The following ATG4B variants were observed in gnomAD, a reference collection of about 807,000 sequenced individuals.
The protein encoded by ATG4B is cysteine protease ATG4B.
In ATG4B, 29 loss-of-function variants were observed where a neutral mutation model predicts 56.6. That is an observed-to-expected ratio of 0.51 (90% CI 0.38 to 0.70). The LOEUF is 0.70. Ranked by LOEUF, ATG4B falls within the 30% of genes least tolerant of loss-of-function variation. The pLI, the probability that ATG4B is intolerant of heterozygous loss-of-function variation, is 0.00. For synonymous variants in ATG4B, 224 were observed against 206.1 expected (o/e 1.09, Z -0.74); for missense variants, 461 against 515.5 (o/e 0.89, Z 1.02).
chr2:241,668,477 CTCCTCTGTCCCTT>C lies in ATG4B; in HGVS notation c.812-55_812-43del, dbSNP rs769519635. 85 of 1,566,410 alleles carry C rather than the reference CTCCTCTGTCCCTT, an allele frequency of 5.4e-5. No homozygotes were observed. Among genetic ancestry groups the C allele is most frequent in the Non-Finnish European group, 7.8e-6 (9 of 1,161,134 alleles). On this transcript the variant is annotated intron_variant, in intron 9 of 12. Transcript: ENST00000404914. The surrounding 1 kb of genome is among the most constrained non-coding windows in gnomAD (Gnocchi z 4.2). ...GGGTGCAGTGGGTCTGAAATGCGGC[CTCCTCTGTCCCTT>C]TCCTCTGCCGGCTCGGCCACCCACC...
intron 1 of ATG4B, 75 bp from the exon 2 acceptor site, chr2:241,650,935 C>A: frequency 8.1e-7 from 1 of 1,227,058 alleles, no homozygotes; most frequent in Non-Finnish European, 1.2e-6. Flanking sequence ...CACAGAAATG[C>A]TGTAAATGGC....
intron 7 of ATG4B, among the ~76,000 whole-genome samples, chr2:241,663,586 T>C (rs923636276): frequency 6.6e-6 from 1 of 152,116 alleles, no homozygotes; most frequent in African/African-American, 2.4e-5. Flanking sequence ...TGAAAATTAA[T>C]GAAATAAGCA....
At chr2:241,658,022 C>T (rs2068462844) in intron 6 of ATG4B, among the ~76,000 whole-genome samples, 1 of 152,184 alleles carries the variant, frequency 6.6e-6, no homozygotes, top group South Asian at 2.1e-4. Context: ...TACCCTTTGG[C>T]ACCAAGGTCT....
intron 3 of ATG4B, among the ~76,000 whole-genome samples, chr2:241,652,771 C>T (rs938781756): frequency 2.0e-5 from 3 of 152,208 alleles, no homozygotes; most frequent in Non-Finnish European, 4.4e-5. Flanking sequence ...CCCCAAGACA[C>T]AGGGTTTATT....
At chr2:241,654,369 C>A (rs572788961) in intron 4 of ATG4B, among the ~76,000 whole-genome samples, 177 bp from the exon 5 acceptor site, 3 of 147,492 alleles carry the variant, frequency 2.0e-5, no homozygotes, top group Non-Finnish European at 3.0e-5. Flanking sequence ...TGCAGTGAGC[C>A]GAGATCACGC....
chr2:241,639,076 G>T (rs572068070), intron 1 of ATG4B, among the ~76,000 whole-genome samples: 2 of 152,296 alleles, frequency 1.3e-5, no homozygotes, highest in African/African-American at 2.4e-5. Context: ...CTATGGCACG[G>T]ATACCATGGC....
In ATG4B at chr2:241,652,691, G is replaced by T. The variant is rs187516864; in HGVS notation, c.185-821G>T. ...GATACGTTTTTATCAGCAGTAGAGC[G>T]ATCAGCAGTGGAGCGAGGGTGACCA... On this transcript the variant is annotated intron_variant, in intron 3 of 12. Transcript: ENST00000404914. 1.1e-3 allele frequency among the ~76,000 whole-genome samples: 167 copies of T among 152,250 alleles called. 1 individual carries two copies. The highest frequency in any genetic ancestry group is 3.8e-3 in the African/African-American group (156 of 41,534).
At chr2:241,653,057 C>T (rs979246253) in intron 3 of ATG4B, among the ~76,000 whole-genome samples, 5 of 152,362 alleles carry the variant, frequency 3.3e-5, no homozygotes, top group African/African-American at 9.6e-5. Context: ...AGGGAGTGGC[C>T]GTGAGGGCAG....
intron 3 of ATG4B, among the ~76,000 whole-genome samples, chr2:241,653,087 G>A (rs1409358473): frequency 6.6e-6 from 1 of 152,278 alleles, no homozygotes; most frequent in Non-Finnish European, 1.5e-5. Context: ...ACCTGTGCTG[G>A]AAGGGCTGAG....
intron 12 of ATG4B, 159 bp from the exon 13 acceptor site, chr2:241,672,032 G>A: frequency 7.0e-7 from 1 of 1,429,898 alleles, no homozygotes; most frequent in Non-Finnish European, 9.1e-7. Context: ...CATATTCGCA[G>A]GTCTGCACAA....
chr2:241,669,191 T>A (rs2068879619), intron 10 of ATG4B, among the ~76,000 whole-genome samples: 1 of 152,168 alleles, frequency 6.6e-6, no homozygotes, highest in African/African-American at 2.4e-5. Flanking sequence ...CCATTTTGAT[T>A]ACCTAGTTGT....
At chr2:241,664,472 A>G (rs2068699065) in intron 7 of ATG4B, among the ~76,000 whole-genome samples, 1 of 152,202 alleles carries the variant, frequency 6.6e-6, no homozygotes, top group Non-Finnish European at 1.5e-5. Flanking sequence ...TGGGAGGTTG[A>G]GGCTGCAGTG....
chr2:241,670,003 G>A (rs2068910399), intron 10 of ATG4B, among the ~76,000 whole-genome samples: 1 of 152,170 alleles, frequency 6.6e-6, no homozygotes, highest in African/African-American at 2.4e-5. Flanking sequence ...GCCACCTGGT[G>A]GGATAACTGT....
intron 8 of ATG4B, 74 bp downstream of exon 8, chr2:241,666,912 C>T (rs915676479): frequency 4.7e-6 from 7 of 1,475,934 alleles, no homozygotes; most frequent in African/African-American, 2.8e-5. Flanking sequence ...TTCAGCGCAT[C>T]GTCGTCACGT....
In ATG4B at chr2:241,665,874, TCTGTCACCTGTCAGTCA is replaced by T. The variant is rs1200739491; in HGVS notation, c.539-757_539-741del. On this transcript the variant is annotated intron_variant, in intron 7 of 12. Transcript: ENST00000404914. ...TGTGCAGTGTGCTACCTGTCACCTG[TCTGTCACCTGTCAGTCA>T]CTGTCACCTGTCACTGTCACTGTCA... is the stretch of plus-strand genomic sequence containing the variant. Among the ~76,000 whole-genome samples the T allele has an allele frequency of 6.6e-5, 10 of 152,286 alleles. No individual in the cohort carries two copies. The South Asian group carries it at 1.0e-3, about 16-fold the overall frequency.
chr2:241,642,778 G>A (rs1575055325), intron 1 of ATG4B, among the ~76,000 whole-genome samples: 1 of 149,524 alleles, frequency 6.7e-6, no homozygotes, highest in African/African-American at 2.5e-5. Flanking sequence ...AGGGAAGAGG[G>A]CGTGGAAAAT....
chr2:241,662,993 C>T (rs993348687), intron 7 of ATG4B, among the ~76,000 whole-genome samples: 3 of 152,034 alleles, frequency 2.0e-5, no homozygotes, highest in Non-Finnish European at 2.9e-5. Flanking sequence ...CCCAGCACTT[C>T]GGGAGGCCAA....
intron 3 of ATG4B, chr2:241,652,001 C>T (rs992161987): frequency 4.6e-6 from 6 of 1,298,844 alleles, no homozygotes; most frequent in African/African-American, 3.0e-5. Flanking sequence ...CGTCATGCTT[C>T]CTCAGTGCCA....
chr2:241,670,995 G>A (rs2068950568), intron 11 of ATG4B, among the ~76,000 whole-genome samples: 1 of 151,954 alleles, frequency 6.6e-6, no homozygotes. Context: ...GGGGACGGAT[G>A]TTGCGTGTTG....
Sources: allele counts gnomAD v4.1 joint callset (sites outside exome capture counted in the v4.1 genomes callset), GRCh38; gene constraint gnomAD v4.1.1; non-coding constraint Gnocchi (gnomAD v3.1); transcripts MANE v1.5; gene names NCBI Gene and HGNC (gene_info 2026-07-23, HGNC 2026-07-21).